SPATA18: variants seen among roughly 807,000 people sequenced by gnomAD.
SPATA18 encodes spermatogenesis associated 18.
SPATA18 carries 54 observed loss-of-function variants against 68.1 expected under a neutral mutation model. The ratio of observed to expected loss-of-function variants is 0.79; its 90% CI spans 0.64 to 0.99. The LOEUF (loss-of-function observed/expected upper bound fraction) is 0.99. Ranked by LOEUF, SPATA18 falls within the 50% of genes least tolerant of loss-of-function variation. The pLI, the probability that SPATA18 is intolerant of heterozygous loss-of-function variation, is 0.00. For synonymous variants in SPATA18, 242 were observed against 244.8 expected, an observed-to-expected ratio of 0.99 and a Z score of 0.11; for missense variants, 724 against 681.1, an observed-to-expected ratio of 1.06 and a Z score of -0.70.
chr4:52,095,025 G>T lies in SPATA18; in HGVS notation c.*138G>T. ...AATTCTGTGTATCACCCCACACAGA[G>T]AGTTAAATGTTTTGGCTTGGCGCAT... On this transcript the variant is annotated 3_prime_UTR_variant, in exon 13 of 13. Coordinates refer to ENST00000295213, the MANE Select transcript of SPATA18 (RefSeq NM_145263.4). 1.0e-6 allele frequency: 1 copy of T among 1,003,296 alleles called. No homozygotes were observed. 62.1% of individuals were successfully genotyped at this position (1,003,296 alleles called of 1,614,324 possible).
intron 1 of SPATA18, among the ~76,000 whole-genome samples, chr4:52,056,963 C>G (rs764666640): frequency 1.3e-5 from 2 of 152,184 alleles, no homozygotes; most frequent in South Asian, 4.1e-4. Context: ...ACCCTGTACT[C>G]ACTTTCCGCT....
At chr4:52,060,298 G>A in intron 1 of SPATA18, 121 bp from the exon 2 acceptor site, 2 of 699,742 alleles carry the variant, frequency 2.9e-6, no homozygotes, top group Non-Finnish European at 4.9e-6. Flanking sequence ...CTACACAGCA[G>A]TCCTGCCACA....
intron 6 of SPATA18, 96 bp downstream of exon 6, chr4:52,072,252 C>T (rs562536403): frequency 1.4e-5 from 21 of 1,522,954 alleles, no homozygotes; most frequent in Non-Finnish European, 1.8e-5. Flanking sequence ...AAATGATACC[C>T]TGAACCAAAA....
In SPATA18 at chr4:52,051,368, G is replaced by A; in HGVS notation, c.-337G>A. ...GCGGCGCGGGCGTTGCCACGACGCG[G>A]GCCGCGCGCGTCCCTGGCAGCCAAC... On this transcript the variant is annotated 5_prime_UTR_variant, in exon 1 of 13. Transcript: ENST00000295213. The A allele has an allele frequency of 4.4e-6, 1 of 228,098 alleles. No individual in the cohort carries two copies. The highest frequency in any genetic ancestry group is 1.0e-4 in the East Asian group (1 of 9,686). The allele number at this position is 228,098 out of a possible 1,614,324, so 14.1% of individuals were successfully genotyped here. A position where few individuals can be genotyped will look rare whatever the true frequency, so the allele number is the denominator to read the frequency against.
chr4:52,053,906 A>G (rs1419573153), intron 1 of SPATA18, among the ~76,000 whole-genome samples: 1 of 152,168 alleles, frequency 6.6e-6, no homozygotes, highest in African/African-American at 2.4e-5. Context: ...CAAATTTCCT[A>G]TTTCAGTCAG....
rs1273547847 is a variant in SPATA18 at position 52,072,143 on chromosome 4, G to T, written c.745G>T (p.Ala249Ser). The T allele has an allele frequency of 3.1e-6, 5 of 1,614,038 alleles. No homozygotes were observed. The South Asian group carries it at 4.4e-5, about 14-fold the overall frequency. ...AGCTGTTCTGTCTGCTGAGAAAAGT[G>T]CACTCCAAGGAAGGTCAGACAAACT... is the stretch of plus-strand genomic sequence containing the variant. ...EIAVLSAEKS[A>S]LQGRSSRSRS... Residue 249 changes from alanine (A) to serine (S), a missense_variant, in exon 6 of 13, where the codon GCA becomes TCA. Transcript: ENST00000295213.
intron 10 of SPATA18, chr4:52,083,609 G>A (rs548625132): frequency 3.1e-5 from 12 of 386,874 alleles, no homozygotes; most frequent in South Asian, 1.1e-4. Context: ...GCTGGGCATC[G>A]TGGTGCATAC....
chr4:52,055,429 G>C (rs1227289883), intron 1 of SPATA18, among the ~76,000 whole-genome samples: 3 of 152,110 alleles, frequency 2.0e-5, no homozygotes. Flanking sequence ...CTAGAACATT[G>C]TTTTTAAAAC....
At chr4:52,068,426 T>C (rs1320319709) in intron 4 of SPATA18, among the ~76,000 whole-genome samples, 2 of 152,178 alleles carry the variant, frequency 1.3e-5, no homozygotes, top group Admixed American at 6.5e-5. Flanking sequence ...TAGTTTATAG[T>C]GTGAATGCAA....
rs184340194 is a variant in SPATA18 at position 52,082,101 on chromosome 4, G to T, written c.1356-286G>T. On this transcript the variant is annotated intron_variant, in intron 9 of 12. Transcript: ENST00000295213. ...TGGGAAGCCTGATGGGACTTCAGAT[G>T]CTAGTCTATGTCTTTAGAATTCCCC... Among the ~76,000 whole-genome samples, 5 of 12,502 alleles carry T rather than the reference G, an allele frequency of 4.0e-4. No homozygotes were observed. The Admixed American group carries it at 0.018, about 45-fold the overall frequency. 8.2% of individuals were successfully genotyped at this position (12,502 alleles called of 152,430 possible). A position where few individuals can be genotyped will look rare whatever the true frequency, so the allele number is the denominator to read the frequency against.
At position 52,084,940 on chromosome 4, in the gene SPATA18, C is replaced by T. The variant is rs371974302; in HGVS notation, c.1504C>T (p.Arg502Cys). Residue 502 changes from arginine to cysteine, a missense_variant, in exon 11 of 13, where the codon CGT (arginine) becomes TGT (cysteine). Coordinates refer to ENST00000295213, the MANE Select transcript of SPATA18 (RefSeq NM_145263.4). ...GTGGAATTCGGTGCGATCTGTAAGT[C>T]GTTGTCGAAGCAGGAGTTTAAGTCC... ...AFWNSVRSVS[R>C]CRSRSLSPIC... 39 of 1,613,782 alleles carry T rather than the reference C, an allele frequency of 2.4e-5. No individual in the cohort carries two copies. Among genetic ancestry groups the T allele is most frequent in the East Asian group, 4.5e-5 (2 of 44,888 alleles).
Position 52,077,024 on chromosome 4 carries a change from T to C in SPATA18, c.1004T>C (p.Ile335Thr). The C allele has an allele frequency of 6.2e-7, 1 of 1,606,126 alleles. No homozygotes were observed. Among genetic ancestry groups the C allele is most frequent in the South Asian group, 1.1e-5 (1 of 89,758 alleles). ...IDKAETVQRI[I>T]YIATVEAFHV... The stretch of plus-strand genomic sequence containing the variant: ...AAGGCTGAGACCGTTCAGCGGATCA[T>C]CTACATCGCCACAGTGGTATGTGAC... The change falls in exon 7 of 13, where the codon ATC (isoleucine) becomes ACC (threonine). Residue 335 changes from isoleucine to threonine, a missense_variant. By Grantham distance (89) the Ile-to-Thr change is moderately conservative. Coordinates refer to ENST00000295213, the MANE Select transcript of SPATA18 (RefSeq NM_145263.4).
chr4:52,062,665 A>G (rs945377830), intron 4 of SPATA18, among the ~76,000 whole-genome samples: 4 of 152,188 alleles, frequency 2.6e-5, no homozygotes, highest in Non-Finnish European at 5.9e-5. Context: ...AAATCTACCT[A>G]TTGGGAGAAA....
In SPATA18 at chr4:52,096,569, A is replaced by G. The variant is rs1234801149; in HGVS notation, c.*1682A>G. The G allele has an allele frequency of 2.6e-5, 4 of 152,160 alleles. No homozygotes were observed. Among genetic ancestry groups the G allele is most frequent in the African/African-American group, 9.7e-5 (4 of 41,440 alleles). The allele number at this position is 152,160 out of a possible 1,614,324, so 9.4% of individuals were successfully genotyped here. Reference sequence around the variant, plus strand: ...AAAAAGGCAACTTTTAATAAAATAAAATGTATTTCAATAAAAAAGCTTGGG... The same window carrying G: ...AAAAAGGCAACTTTTAATAAAATAAGATGTATTTCAATAAAAAAGCTTGGG... On this transcript the variant is annotated 3_prime_UTR_variant, in exon 13 of 13. Transcript: ENST00000295213.
At chr4:52,083,260 G>A in intron 10 of SPATA18, 2 of 985,330 alleles carry the variant, frequency 2.0e-6, no homozygotes, top group Non-Finnish European at 2.4e-6. Context: ...CCTTAGTCCA[G>A]GATGATGCCC....
intron 5 of SPATA18, 45 bp downstream of exon 5, chr4:52,069,961 T>G: frequency 7.0e-7 from 1 of 1,426,170 alleles, no homozygotes; most frequent in Non-Finnish European, 9.5e-7. Context: ...ATCATTGAAT[T>G]TAGCTTTTTT....
intron 9 of SPATA18, among the ~76,000 whole-genome samples, chr4:52,080,883 G>C (rs574170814): frequency 6.6e-6 from 1 of 152,322 alleles, no homozygotes. Flanking sequence ...ATTCCTGAAA[G>C]CTTGTTGATG....
Position 52,071,969 on chromosome 4 carries a change from AG to A in SPATA18, c.573del (p.Ser192AlafsTer45). The A allele has an allele frequency of 6.2e-7, 1 of 1,613,852 alleles. No homozygotes were observed. Among genetic ancestry groups the A allele is most frequent in the Non-Finnish European group, 8.5e-7 (1 of 1,179,952 alleles). ...TGCCCGCCACAGAAACACAGATCAG[AG>A]GAGCTCAGAGAATAGGCGGTCAGAG... is the stretch of plus-strand genomic sequence containing the variant. Reference protein sequence around the residue: ...EDARHRNTDQRSSENRRSEPW... With the variant: ...EDARHRNTDQXSSENRRSEPW... On this transcript the variant is annotated frameshift_variant, in exon 6 of 13. Coordinates refer to ENST00000295213, the MANE Select transcript of SPATA18 (RefSeq NM_145263.4). LOFTEE classifies it high-confidence loss of function.
intron 4 of SPATA18, among the ~76,000 whole-genome samples, chr4:52,066,505 A>G (rs1739326554): frequency 6.6e-6 from 1 of 152,128 alleles, no homozygotes; most frequent in East Asian, 1.9e-4. Context: ...TAAAAATATT[A>G]TATTTTATTT....
Sources: allele counts gnomAD v4.1 joint callset (sites outside exome capture counted in the v4.1 genomes callset), GRCh38; gene constraint gnomAD v4.1.1; transcripts MANE v1.5; gene names NCBI Gene and HGNC (gene_info 2026-07-23, HGNC 2026-07-21).